ROBO1: variants seen among roughly 807,000 people sequenced by gnomAD.
ROBO1 encodes the protein roundabout guidance receptor 1.
Under a neutral mutation model 195.9 loss-of-function variants are expected in ROBO1, and 149 were observed. The ratio of observed to expected loss-of-function variants is 0.76; its 90% CI spans 0.67 to 0.87. The LOEUF is 0.87. Among genes scored for constraint, ROBO1 ranks in the 40% least tolerant of loss-of-function variants. The probability of loss-of-function intolerance (pLI) is 0.00; values close to 1 mark genes in which losing one functional copy is unlikely to be tolerated. For missense variants in ROBO1, 1,933 were observed against 2,068.3 expected (o/e 0.93, Z 1.27); for synonymous variants, 816 against 733.2 (o/e 1.11, Z -1.82).
intron 3 of ROBO1, among the ~76,000 whole-genome samples, chr3:78,986,753 G>A (rs1405256525): frequency 6.6e-6 from 1 of 152,144 alleles, no homozygotes; most frequent in African/African-American, 2.4e-5. Context: ...GATATGTGAA[G>A]TCTTGGTTCT....
intron 2 of ROBO1, among the ~76,000 whole-genome samples, chr3:79,517,200 T>C (rs1015770851): frequency 6.6e-5 from 10 of 152,222 alleles, no homozygotes; most frequent in African/African-American, 2.4e-4. Flanking sequence ...CTTCCTCACA[T>C]CCTGTCACTC....
rs542108337 is a variant in ROBO1, at chr3:79,108,315, T to C, written c.172+17141A>G. On this transcript the variant is annotated intron_variant, in intron 3 of 30. Coordinates refer to ENST00000464233, the MANE Select transcript of ROBO1 (RefSeq NM_002941.4). ...TCTGTCATTGAAAGGTGACTCTATATTAACTTTTTCTCATAATTCACTTGT... is the reference window on the plus strand; with the variant it reads ...TCTGTCATTGAAAGGTGACTCTATACTAACTTTTTCTCATAATTCACTTGT... Among the ~76,000 whole-genome samples the C allele has an allele frequency of 1.4e-4, 21 of 151,894 alleles. 1 individual carries two copies. The highest frequency in any genetic ancestry group is 4.8e-4 in the African/African-American group (20 of 41,530).
intron 4 of ROBO1, among the ~76,000 whole-genome samples, chr3:78,771,870 G>A (rs1302131229): frequency 6.6e-6 from 1 of 152,018 alleles, no homozygotes; most frequent in African/African-American, 2.4e-5. Context: ...CTATTTGGAT[G>A]CCTTTTATTC....
intron 2 of ROBO1, among the ~76,000 whole-genome samples, chr3:79,331,880 T>A (rs1049341047): frequency 6.6e-6 from 1 of 152,122 alleles, no homozygotes. Context: ...CGGTGGCTCA[T>A]GCCTGTAATC....
At chr3:79,732,209 T>A (rs1266390486) in intron 1 of ROBO1, among the ~76,000 whole-genome samples, 1 of 151,894 alleles carries the variant, frequency 6.6e-6, no homozygotes, top group African/African-American at 2.4e-5. Context: ...TATAGTGGTA[T>A]AATCTTATGG....
intron 2 of ROBO1, among the ~76,000 whole-genome samples, chr3:79,128,644 G>C (rs185518433): frequency 6.6e-6 from 1 of 152,220 alleles, no homozygotes; most frequent in East Asian, 1.9e-4. Flanking sequence ...TAAAAAGGAA[G>C]TCTTGAATCA....
chr3:79,511,144 A>G (rs1371600320), intron 2 of ROBO1, among the ~76,000 whole-genome samples: 2 of 152,206 alleles, frequency 1.3e-5, no homozygotes, highest in African/African-American at 4.8e-5. Context: ...AAAGAAGAGT[A>G]TAATCAAGAA....
At chr3:79,048,829 C>T (rs767828417) in intron 3 of ROBO1, among the ~76,000 whole-genome samples, 11 of 152,122 alleles carry the variant, frequency 7.2e-5, no homozygotes, top group African/African-American at 1.2e-4. Context: ...GGAAAACTAA[C>T]AAACAGATAC....
chr3:79,741,142 A>G (rs1160792553), intron 1 of ROBO1, among the ~76,000 whole-genome samples: 1 of 152,112 alleles, frequency 6.6e-6, no homozygotes, highest in African/African-American at 2.4e-5. Context: ...GTTCTTTGGA[A>G]CCCCAAGGAG....
intron 1 of ROBO1, among the ~76,000 whole-genome samples, chr3:79,717,208 C>CTTT (rs11401218): frequency 1.3e-5 from 2 of 150,686 alleles, no homozygotes; most frequent in African/African-American, 4.9e-5. Context: ...CTCAATAAAG[C>CTTT]TTTTGTTTTT....
At chr3:79,096,228 C>T (rs1452500815) in intron 3 of ROBO1, among the ~76,000 whole-genome samples, 1 of 151,886 alleles carries the variant, frequency 6.6e-6, no homozygotes, top group Non-Finnish European at 1.5e-5. Context: ...TATTAAGATG[C>T]CGTCATTTCC....
chr3:79,285,881 C>T (rs1238964576), intron 2 of ROBO1, among the ~76,000 whole-genome samples: 1 of 151,818 alleles, frequency 6.6e-6, no homozygotes, highest in Non-Finnish European at 1.5e-5. Flanking sequence ...TAAAATACAG[C>T]TGCATGAAAT....
At chr3:79,445,576 C>T (rs1259289732) in intron 2 of ROBO1, among the ~76,000 whole-genome samples, 2 of 149,522 alleles carry the variant, frequency 1.3e-5, no homozygotes, top group Non-Finnish European at 1.5e-5. Context: ...CATGGCTCAC[C>T]GCAGCCTCAA....
chr3:78,785,750 G>C (rs1286584385), intron 4 of ROBO1, among the ~76,000 whole-genome samples: 1 of 152,086 alleles, frequency 6.6e-6, no homozygotes. Context: ...CATTGTAGTA[G>C]AGTAATATAA....
At chr3:79,207,023 C>T (rs1300094037) in intron 2 of ROBO1, among the ~76,000 whole-genome samples, 2 of 152,022 alleles carry the variant, frequency 1.3e-5, no homozygotes. Context: ...ATGTGAAGTG[C>T]ATTTGCATGA....
At chr3:79,364,164 C>T (rs1300871886) in intron 2 of ROBO1, among the ~76,000 whole-genome samples, 1 of 151,622 alleles carries the variant, frequency 6.6e-6, no homozygotes, top group Non-Finnish European at 1.5e-5. Flanking sequence ...AGATCACACC[C>T]ACTGCACTCT....
At chr3:79,484,698 TG>T (rs1184054030) in intron 2 of ROBO1, among the ~76,000 whole-genome samples, 1 of 151,168 alleles carries the variant, frequency 6.6e-6, no homozygotes, top group Non-Finnish European at 1.5e-5. Context: ...TGGATAAATA[TG>T]GGTTAAGTAT....
intron 5 of ROBO1, among the ~76,000 whole-genome samples, chr3:78,724,159 A>G (rs545889119): frequency 6.6e-6 from 1 of 152,264 alleles, no homozygotes; most frequent in South Asian, 2.1e-4. Flanking sequence ...CAGAAGAAAC[A>G]TGCCAGTTTT....
intron 2 of ROBO1, among the ~76,000 whole-genome samples, chr3:79,414,265 CGT>C (rs1361974632): frequency 6.7e-6 from 1 of 149,838 alleles, no homozygotes; most frequent in Non-Finnish European, 1.5e-5. Context: ...TGTATGTGTG[CGT>C]GTGTCTTCAA....
Sources: gnomAD v4.1 joint callset for allele counts (sites outside exome capture counted in the v4.1 genomes callset) on GRCh38, gnomAD v4.1.1 for gene constraint, MANE v1.5 for transcripts, NCBI Gene and HGNC (gene_info 2026-07-23, HGNC 2026-07-21) for gene names.